SNX1: variants seen among roughly 807,000 people sequenced by gnomAD.
The protein encoded by SNX1 is sorting nexin 1, also known as sorting nexin-1.
SNX1 carries 36 observed loss-of-function variants against 71.8 expected under a neutral mutation model. The ratio of observed to expected loss-of-function variants is 0.50; its 90% CI spans 0.38 to 0.66. The LOEUF (loss-of-function observed/expected upper bound fraction) is 0.66. Ranked by LOEUF, SNX1 falls within the 30% of genes least tolerant of loss-of-function variation. The probability of loss-of-function intolerance (pLI) is 0.00; values close to 1 mark genes in which losing one functional copy is unlikely to be tolerated. For missense variants in SNX1, 612 were observed against 646.7 expected (o/e 0.95, Z 0.58); for synonymous variants, 254 against 240.7 (o/e 1.06, Z -0.51).
At chr15:64,110,029 T>G (rs1268123491) in intron 1 of SNX1, among the ~76,000 whole-genome samples, 2 of 152,184 alleles carry the variant, frequency 1.3e-5, no homozygotes, top group Non-Finnish European at 2.9e-5. Context: ...CACAGTAGTA[T>G]TTGGTGGAAC....
chr15:64,136,054 C>T (rs990269665), intron 12 of SNX1, among the ~76,000 whole-genome samples: 1 of 152,216 alleles, frequency 6.6e-6, no homozygotes, highest in African/African-American at 2.4e-5. Context: ...AGTACCTAAA[C>T]TGGAGGCTGC....
At chr15:64,104,647 G>A (rs1007797357) in intron 1 of SNX1, among the ~76,000 whole-genome samples, 7 of 151,804 alleles carry the variant, frequency 4.6e-5, no homozygotes, top group African/African-American at 1.2e-4. Flanking sequence ...CACTTTGGGA[G>A]GCCAAGGCAG....
In SNX1 at chr15:64,126,299, G is replaced by A. The variant is rs1206619797; in HGVS notation, c.652+79G>A. 10 of 1,403,886 alleles carry A rather than the reference G, an allele frequency of 7.1e-6. No homozygotes were observed. In the East Asian group the frequency reaches 2.3e-4, roughly 32 times the overall value. The allele number at this position is 1,403,886 out of a possible 1,614,324, so 87.0% of individuals were successfully genotyped here. A position where few individuals can be genotyped will look rare whatever the true frequency, so the allele number is the denominator to read the frequency against. ...AAAATTCACTCACTGTTCAGTATAT[G>A]AGACTACTTCTATTAACAGTCTTGT... On this transcript the variant is annotated intron_variant, in intron 6 of 14. Coordinates refer to ENST00000559844, the MANE Select transcript of SNX1 (RefSeq NM_003099.5).
chr15:64,132,729 A>G (rs540186761), intron 11 of SNX1, among the ~76,000 whole-genome samples: 11 of 152,254 alleles, frequency 7.2e-5, no homozygotes, highest in South Asian at 2.1e-4. Context: ...CGTCCCCAAC[A>G]TATCTCCCAT....
chr15:64,124,756 G>A (rs931401791), intron 5 of SNX1, among the ~76,000 whole-genome samples: 17 of 152,142 alleles, frequency 1.1e-4, no homozygotes, highest in Non-Finnish European at 2.4e-4. Context: ...AGTAATTCCC[G>A]TGGGTCATAG....
Position 64,138,320 on chromosome 15 carries a change from T to C in SNX1, c.*702T>C. On this transcript the variant is annotated 3_prime_UTR_variant, in exon 15 of 15. Coordinates refer to ENST00000559844, the MANE Select transcript of SNX1 (RefSeq NM_003099.5). Reference sequence around the variant, plus strand: ...CTGCAAAGGAGGCAGAGACTTTCTCTCTCTCTTTTTTTTTTTTTTTTGGTG... The same window carrying C: ...CTGCAAAGGAGGCAGAGACTTTCTCCCTCTCTTTTTTTTTTTTTTTTGGTG... The C allele has an allele frequency of 1.3e-6, 1 of 756,162 alleles. No homozygotes were observed. The highest frequency in any genetic ancestry group is 1.9e-6 in the Non-Finnish European group (1 of 529,610). The allele number at this position is 756,162 out of a possible 1,614,324, so 46.8% of individuals were successfully genotyped here.
At chr15:64,112,707 C>A in intron 2 of SNX1, 23 bp downstream of exon 2, 1 of 1,457,514 alleles carries the variant, frequency 6.9e-7, no homozygotes, top group Non-Finnish European at 9.5e-7. Context: ...TCAAAAGTTA[C>A]TCTAGGAACC....
At chr15:64,137,126 C>A (rs2081367408) in intron 14 of SNX1, among the ~76,000 whole-genome samples, 194 bp downstream of exon 14, 1 of 152,182 alleles carries the variant, frequency 6.6e-6, no homozygotes, top group Non-Finnish European at 1.5e-5. Flanking sequence ...CAGGAGGGCC[C>A]AGGTCTGCTG....
Position 64,127,235 on chromosome 15 carries a change from G to T in SNX1, c.714G>T (p.Arg238=), listed in dbSNP as rs780411283. ...CTTCTGCAGAATTTCTTGAAAAACG[G>T]AGGGCCGCTTTAGAAAGGTAAGTGC... is the stretch of plus-strand genomic sequence containing the variant. ...DSSSAEFLEK[R]RAALERYLQR... Residue 238 remains arginine, a synonymous_variant, in exon 7 of 15, where the codon CGG becomes CGT. Transcript: ENST00000559844. The T allele has an allele frequency of 1.2e-6, 2 of 1,613,642 alleles. No homozygotes were observed. Among genetic ancestry groups the T allele is most frequent in the Middle Eastern group, 1.6e-4 (1 of 6,062 alleles).
chr15:64,133,001 A>G (rs551385255), intron 11 of SNX1, among the ~76,000 whole-genome samples: 13 of 152,342 alleles, frequency 8.5e-5, no homozygotes, highest in South Asian at 6.2e-4. Context: ...GGGTCTCTGG[A>G]GAGCACAGTT....
chr15:64,121,756 G>A (rs2081199087), intron 4 of SNX1, among the ~76,000 whole-genome samples: 1 of 152,172 alleles, frequency 6.6e-6, no homozygotes, highest in Non-Finnish European at 1.5e-5. Context: ...TTGCCCTGTA[G>A]TCTAGATTCT....
At chr15:64,118,309 A>C in intron 3 of SNX1, 65 bp downstream of exon 3, 1 of 1,495,814 alleles carries the variant, frequency 6.7e-7, no homozygotes, top group South Asian at 1.3e-5. Context: ...GCCAGTCTGA[A>C]GTGTAGTTGA....
In SNX1 at chr15:64,143,005, G is replaced by A. The variant is rs559101557; in HGVS notation, c.*5387G>A. 22 of 204,722 alleles carry A rather than the reference G, an allele frequency of 1.1e-4. No individual in the cohort carries two copies. Among genetic ancestry groups the A allele is most frequent in the South Asian group, 4.0e-4 (6 of 14,976 alleles). 12.7% of individuals were successfully genotyped at this position (204,722 alleles called of 1,614,324 possible). Reference sequence around the variant, plus strand: ...TGGAGAGTGTGTGGTGATGGAGGGCGTGTCTTTTGCCGAGCACACTCAGGG... The same window carrying A: ...TGGAGAGTGTGTGGTGATGGAGGGCATGTCTTTTGCCGAGCACACTCAGGG... On this transcript the variant is annotated 3_prime_UTR_variant, in exon 15 of 15. Transcript: ENST00000559844.
chr15:64,104,884 TAAAA>T (rs35090758), intron 1 of SNX1, among the ~76,000 whole-genome samples: 6 of 125,630 alleles, frequency 4.8e-5, no homozygotes, highest in Non-Finnish European at 5.0e-5. Context: ...GACTTGATCT[TAAAA>T]AAAAAAAAAA....
At chr15:64,103,025 C>G (rs1479650330) in intron 1 of SNX1, among the ~76,000 whole-genome samples, 1 of 152,064 alleles carries the variant, frequency 6.6e-6, no homozygotes, top group Non-Finnish European at 1.5e-5. Context: ...CCTTGGCCTC[C>G]CGAAGTGTTG....
chr15:64,103,505 G>T (rs866779301), intron 1 of SNX1, among the ~76,000 whole-genome samples: 3 of 152,156 alleles, frequency 2.0e-5, no homozygotes, highest in African/African-American at 7.2e-5. Flanking sequence ...GGGGAATTAA[G>T]ATTATATGGT....
chr15:64,142,846 C>T lies in SNX1; in HGVS notation c.*5228C>T, dbSNP rs1163713809. On this transcript the variant is annotated 3_prime_UTR_variant, in exon 15 of 15. Transcript: ENST00000559844. The stretch of plus-strand genomic sequence containing the variant: ...GTCGCCTACACAAAAATACCAGCAA[C>T]TGTTAACTCTTCCCAGAAGATTTTC... The T allele has an allele frequency of 2.9e-6, 1 of 339,132 alleles. No individual in the cohort carries two copies. The highest frequency in any genetic ancestry group is 2.2e-5 in the African/African-American group (1 of 45,954). The allele number at this position is 339,132 out of a possible 1,614,324, so 21.0% of individuals were successfully genotyped here. A position where few individuals can be genotyped will look rare whatever the true frequency, so the allele number is the denominator to read the frequency against.
chr15:64,122,643 G>C (rs554762476), intron 4 of SNX1, among the ~76,000 whole-genome samples: 1 of 152,180 alleles, frequency 6.6e-6, no homozygotes, highest in African/African-American at 2.4e-5. Flanking sequence ...GTTGACCTAG[G>C]TTTTCCGGTT....
intron 1 of SNX1, among the ~76,000 whole-genome samples, chr15:64,108,307 T>C (rs1041630903): frequency 3.3e-5 from 5 of 152,240 alleles, no homozygotes; most frequent in Non-Finnish European, 5.9e-5. Context: ...CAGTAAATTC[T>C]TTATAAAATT....
Sources: gnomAD v4.1 joint callset for allele counts (sites outside exome capture counted in the v4.1 genomes callset) on GRCh38, gnomAD v4.1.1 for gene constraint, MANE v1.5 for transcripts, NCBI Gene and HGNC (gene_info 2026-07-23, HGNC 2026-07-21) for gene names.